Variants in NALF1 observed in about 807,000 individuals in gnomAD.
NALF1 encodes the protein NALCN channel auxiliary factor 1, also known as family with sequence similarity 155 member A.
Under a neutral mutation model 48.4 loss-of-function variants are expected in NALF1, and 3 were observed. That is an observed-to-expected ratio of 0.06 (90% CI 0.03 to 0.16). The LOEUF (loss-of-function observed/expected upper bound fraction) is 0.16. NALF1 is among the 10% of genes least tolerant of loss of function. The probability of loss-of-function intolerance (pLI) is 1.00; values close to 1 mark genes in which losing one functional copy is unlikely to be tolerated. For missense variants in NALF1, 526 were observed against 571.5 expected (o/e 0.92, Z 0.81); for synonymous variants, 262 against 245.7 (o/e 1.07, Z -0.62).
At chr13:107,366,395 G>A (rs546415896) in intron 1 of NALF1, among the ~76,000 whole-genome samples, 52 of 152,228 alleles carry the variant, frequency 3.4e-4, no homozygotes, top group African/African-American at 1.1e-3. Context: ...AGCCTCTGCT[G>A]TCTATGAAAT....
chr13:107,710,594 G>A (rs1215953987), intron 1 of NALF1, among the ~76,000 whole-genome samples: 1 of 149,306 alleles, frequency 6.7e-6, no homozygotes, highest in African/African-American at 2.6e-5. Flanking sequence ...GAGAGAGAGT[G>A]AGAGGAAGTG....
chr13:107,619,813 G>T (rs1365395168), intron 1 of NALF1, among the ~76,000 whole-genome samples: 1 of 152,088 alleles, frequency 6.6e-6, no homozygotes, highest in Non-Finnish European at 1.5e-5. Flanking sequence ...GTACAATTTA[G>T]ACCCTCAGGT....
chr13:107,598,098 C>T (rs957406996), intron 1 of NALF1, among the ~76,000 whole-genome samples: 3 of 152,034 alleles, frequency 2.0e-5, no homozygotes, highest in Non-Finnish European at 2.9e-5. Context: ...GATGGTAAAA[C>T]CTAGGTTAGT....
chr13:107,749,932 G>A lies in NALF1; in HGVS notation c.915+115750C>T, dbSNP rs1229400555. Among the ~76,000 whole-genome samples the A allele has an allele frequency of 2.0e-5, 3 of 151,934 alleles. 1 individual carries two copies. The highest frequency in any genetic ancestry group is 7.3e-5 in the African/African-American group (3 of 41,374). Reference sequence around the variant, plus strand: ...CCTCCCAGGTTCAAGCGATTCTCCTGCCTCAGCCTCCCAAGTAGCTGGGAC... The same window carrying A: ...CCTCCCAGGTTCAAGCGATTCTCCTACCTCAGCCTCCCAAGTAGCTGGGAC... On this transcript the variant is annotated intron_variant, in intron 1 of 2. Coordinates refer to ENST00000375915, the MANE Select transcript of NALF1 (RefSeq NM_001080396.3).
chr13:107,742,836 C>A (rs1372467838), intron 1 of NALF1, among the ~76,000 whole-genome samples: 3 of 152,176 alleles, frequency 2.0e-5, no homozygotes, highest in Non-Finnish European at 4.4e-5. Flanking sequence ...CACCCAACAA[C>A]CACCAGTGTT....
intron 1 of NALF1, among the ~76,000 whole-genome samples, chr13:107,290,937 T>G (rs1881607919): frequency 6.6e-6 from 1 of 152,034 alleles, no homozygotes. Flanking sequence ...TGGAAAACAG[T>G]TATTAATTGA....
chr13:107,664,083 G>A (rs2138479700), intron 1 of NALF1, among the ~76,000 whole-genome samples: 1 of 152,166 alleles, frequency 6.6e-6, no homozygotes, highest in East Asian at 1.9e-4. Context: ...ATATTTAATA[G>A]ACATCTCAGA....
chr13:107,440,708 T>G (rs1193800643), intron 1 of NALF1, among the ~76,000 whole-genome samples: 6 of 152,272 alleles, frequency 3.9e-5, no homozygotes, highest in African/African-American at 1.2e-4. Flanking sequence ...TAATACAGAA[T>G]CTTGCCTGAA....
intron 1 of NALF1, among the ~76,000 whole-genome samples, chr13:107,726,285 T>C (rs1306091302): frequency 6.6e-6 from 1 of 152,224 alleles, no homozygotes; most frequent in Non-Finnish European, 1.5e-5. Context: ...ATTTACCAAA[T>C]AGGTTAGCCA....
chr13:107,605,890 A>C (rs904310231), intron 1 of NALF1, among the ~76,000 whole-genome samples: 1 of 152,160 alleles, frequency 6.6e-6, no homozygotes, highest in Non-Finnish European at 1.5e-5. Flanking sequence ...CCCCTTATGC[A>C]CCAGTTAATT....
At chr13:107,634,663 G>A (rs1388709407) in intron 1 of NALF1, among the ~76,000 whole-genome samples, 1 of 152,062 alleles carries the variant, frequency 6.6e-6, no homozygotes, top group African/African-American at 2.4e-5. Context: ...AAGGTAGTGG[G>A]TTTTTTCCAC....
chr13:107,479,914 G>A (rs1885228820), intron 1 of NALF1, among the ~76,000 whole-genome samples: 3 of 151,938 alleles, frequency 2.0e-5, no homozygotes, highest in Admixed American at 1.3e-4. Context: ...CTTCCATTCA[G>A]TTTCTCTCTC....
At chr13:107,266,773 AATT>A (rs1227904259) in intron 1 of NALF1, among the ~76,000 whole-genome samples, 1 of 152,218 alleles carries the variant, frequency 6.6e-6, no homozygotes, top group Non-Finnish European at 1.5e-5. Context: ...CACCTATGCA[AATT>A]ATTAACACAA....
chr13:107,642,075 C>T (rs977404609), intron 1 of NALF1, among the ~76,000 whole-genome samples: 6 of 152,226 alleles, frequency 3.9e-5, no homozygotes, highest in East Asian at 3.9e-4. Context: ...CCTGGGAGCA[C>T]GTTGGAAAGG....
intron 1 of NALF1, among the ~76,000 whole-genome samples, chr13:107,481,520 G>A (rs1003640605): frequency 2.4e-4 from 37 of 152,092 alleles, no homozygotes; most frequent in Non-Finnish European, 8.8e-5. Flanking sequence ...ATGTAAACAG[G>A]TACTGAACTT....
intron 1 of NALF1, among the ~76,000 whole-genome samples, chr13:107,431,226 T>C (rs542020273): frequency 4.6e-5 from 7 of 152,316 alleles, no homozygotes; most frequent in African/African-American, 1.7e-4. Flanking sequence ...GCTCTTCATG[T>C]TGTCCTAATA....
intron 1 of NALF1, among the ~76,000 whole-genome samples, chr13:107,668,944 T>TA (rs993694925): frequency 4.6e-5 from 7 of 151,756 alleles, no homozygotes; most frequent in African/African-American, 1.7e-4. Flanking sequence ...CAACACATCT[T>TA]AAAAAAAAGA....
intron 1 of NALF1, among the ~76,000 whole-genome samples, chr13:107,485,450 C>T (rs1000531723): frequency 6.6e-6 from 1 of 152,114 alleles, no homozygotes; most frequent in Non-Finnish European, 1.5e-5. Context: ...GCAGGCCACA[C>T]ATCTCAATGG....
chr13:107,448,996 C>A (rs1884697425), intron 1 of NALF1, among the ~76,000 whole-genome samples: 1 of 152,186 alleles, frequency 6.6e-6, no homozygotes, highest in Non-Finnish European at 1.5e-5. Flanking sequence ...GTAATCCCAG[C>A]ACTTTGGGAG....
Sources: allele counts gnomAD v4.1 joint callset (sites outside exome capture counted in the v4.1 genomes callset), GRCh38; gene constraint gnomAD v4.1.1; transcripts MANE v1.5; gene names NCBI Gene and HGNC (gene_info 2026-07-23, HGNC 2026-07-21).